TENM4: variants seen among roughly 807,000 people sequenced by gnomAD.
TENM4 encodes teneurin-4.
Under a neutral mutation model 243.3 loss-of-function variants are expected in TENM4, and 82 were observed. The observed-to-expected ratio is 0.34, with a 90% CI of 0.28 to 0.40. The LOEUF is 0.40. Among genes scored for constraint, TENM4 ranks in the 10% least tolerant of loss-of-function variants. The pLI, the probability that TENM4 is intolerant of heterozygous loss-of-function variation, is 1.00. For synonymous variants in TENM4, 1,412 were observed against 1,456.3 expected (o/e 0.97, Z 0.69); for missense variants, 3,138 against 3,673.3 (o/e 0.85, Z 3.77).
At chr11:78,912,872 C>G (rs1464477254) in intron 6 of TENM4, among the ~76,000 whole-genome samples, 1 of 152,162 alleles carries the variant, frequency 6.6e-6, no homozygotes, top group Admixed American at 6.5e-5. Flanking sequence ...CCATTTGAAT[C>G]CAAAAGTAGA....
intron 6 of TENM4, among the ~76,000 whole-genome samples, chr11:79,016,172 C>T (rs980487160): frequency 6.6e-6 from 1 of 152,136 alleles, no homozygotes; most frequent in African/African-American, 2.4e-5. Context: ...CACAATGATG[C>T]TCTCAAAGAT....
intron 5 of TENM4, among the ~76,000 whole-genome samples, chr11:79,069,309 T>A (rs1053200809): frequency 2.6e-5 from 4 of 152,190 alleles, no homozygotes; most frequent in Non-Finnish European, 5.9e-5. Context: ...ATTCAGCGCT[T>A]ACTTGGTATT....
At chr11:79,135,979 T>G (rs1382981412) in intron 4 of TENM4, among the ~76,000 whole-genome samples, 1 of 151,836 alleles carries the variant, frequency 6.6e-6, no homozygotes. Flanking sequence ...ATGAGGGAGC[T>G]AAGCTATGAG....
At chr11:78,808,981 C>A (rs1422970683) in intron 14 of TENM4, among the ~76,000 whole-genome samples, 1 of 152,158 alleles carries the variant, frequency 6.6e-6, no homozygotes, top group African/African-American at 2.4e-5. Flanking sequence ...ATCCTGAGGC[C>A]AATAAAGGTA....
intron 12 of TENM4, among the ~76,000 whole-genome samples, chr11:78,851,558 G>A (rs913576492): frequency 1.5e-4 from 23 of 152,168 alleles, no homozygotes; most frequent in Admixed American, 8.5e-4. Context: ...AATTCTGATT[G>A]TAAAAGCACT....
chr11:78,924,918 C>T (rs979391050), intron 6 of TENM4, among the ~76,000 whole-genome samples: 3 of 152,152 alleles, frequency 2.0e-5, no homozygotes, highest in African/African-American at 7.2e-5. Flanking sequence ...CTGGACATTC[C>T]CTGGTCACCC....
At chr11:78,816,701 G>A (rs1273117397) in intron 12 of TENM4, among the ~76,000 whole-genome samples, 1 of 152,226 alleles carries the variant, frequency 6.6e-6, no homozygotes, top group Non-Finnish European at 1.5e-5. Context: ...GGTTAGTTAA[G>A]CAGGCAGTCT....
chr11:78,801,242 T>G (rs987068121), intron 15 of TENM4, among the ~76,000 whole-genome samples: 2 of 152,124 alleles, frequency 1.3e-5, no homozygotes, highest in East Asian at 3.9e-4. Context: ...CTCTTTTCTA[T>G]CTGTTTAACA....
chr11:78,946,040 G>A (rs1288291345), intron 6 of TENM4, among the ~76,000 whole-genome samples: 2 of 152,344 alleles, frequency 1.3e-5, no homozygotes, highest in East Asian at 3.9e-4. Context: ...AGAAAATCTA[G>A]CTAAGATTGT....
chr11:79,306,052 T>C (rs1445229732), intron 1 of TENM4, among the ~76,000 whole-genome samples: 2 of 152,202 alleles, frequency 1.3e-5, no homozygotes, highest in African/African-American at 2.4e-5. Flanking sequence ...CTCTGATCCC[T>C]GCACCACTCA....
At chr11:78,738,596 C>T in intron 19 of TENM4, 26 bp from the exon 20 acceptor site, 1 of 1,608,740 alleles carries the variant, frequency 6.2e-7, no homozygotes, top group Non-Finnish European at 8.5e-7. Flanking sequence ...AGAGAATAAA[C>T]ATGATACACC....
intron 1 of TENM4, among the ~76,000 whole-genome samples, chr11:79,362,140 T>A (rs771951830): frequency 9.9e-5 from 15 of 152,154 alleles, no homozygotes; most frequent in Non-Finnish European, 1.3e-4. Flanking sequence ...CTTGTCCAAG[T>A]TCATATAAGT....
At chr11:79,166,383 A>G (rs10899600) in intron 3 of TENM4, among the ~76,000 whole-genome samples, 32,216 of 152,130 alleles carry the variant, frequency 0.21, 3,720 homozygotes, top group Non-Finnish European at 0.25. Context: ...TCATTTCCCA[A>G]TGCCCATTTG....
At chr11:79,295,143 G>T (rs898761401) in intron 2 of TENM4, among the ~76,000 whole-genome samples, 2 of 152,144 alleles carry the variant, frequency 1.3e-5, no homozygotes, top group Non-Finnish European at 2.9e-5. Context: ...GAACAAAAAC[G>T]CACAAACCCA....
chr11:79,302,047 A>G (rs1856558832), intron 1 of TENM4, among the ~76,000 whole-genome samples: 1 of 152,156 alleles, frequency 6.6e-6, no homozygotes, highest in Non-Finnish European at 1.5e-5. Flanking sequence ...CCTGTCTACC[A>G]CTGTCTATCC....
intron 1 of TENM4, among the ~76,000 whole-genome samples, chr11:79,378,964 T>C (rs1004911601): frequency 2.0e-5 from 3 of 152,020 alleles, no homozygotes; most frequent in Non-Finnish European, 4.4e-5. Flanking sequence ...TCCTTCTTTA[T>C]TCCTTCTTCT....
chr11:78,993,175 C>CAT (rs1245538862), intron 6 of TENM4, among the ~76,000 whole-genome samples: 1 of 152,074 alleles, frequency 6.6e-6, no homozygotes, highest in Non-Finnish European at 1.5e-5. Context: ...GGGCATGAAG[C>CAT]ATAGACCCAA....
intron 4 of TENM4, among the ~76,000 whole-genome samples, chr11:79,111,196 G>A (rs796920217): frequency 5.3e-5 from 8 of 152,112 alleles, no homozygotes; most frequent in African/African-American, 1.7e-4. Flanking sequence ...TGTGCCTTTC[G>A]CCTTCCACCA....
intron 6 of TENM4, among the ~76,000 whole-genome samples, chr11:78,993,257 A>G (rs1011173648): frequency 1.3e-5 from 2 of 152,174 alleles, no homozygotes; most frequent in Admixed American, 1.3e-4. Context: ...AAGAGGGGGC[A>G]TTACTAGAAG....
Sources: allele counts gnomAD v4.1 joint callset (sites outside exome capture counted in the v4.1 genomes callset), GRCh38; gene constraint gnomAD v4.1.1; transcripts MANE v1.5; gene names NCBI Gene and HGNC (gene_info 2026-07-23, HGNC 2026-07-21).